The following FMNL1 variants were observed in gnomAD, a reference collection of about 807,000 sequenced individuals.
FMNL1 encodes the protein formin like 1.
In FMNL1, 43 loss-of-function variants were observed where a neutral mutation model predicts 121.3. The ratio of observed to expected loss-of-function variants is 0.35; its 90% CI spans 0.28 to 0.46. The LOEUF (loss-of-function observed/expected upper bound fraction) is 0.46, where lower values mean the gene tolerates loss of function less well. Ranked by LOEUF, FMNL1 falls within the 20% of genes least tolerant of loss-of-function variation. The pLI is 1.00. For synonymous variants in FMNL1, 613 were observed against 613.5 expected (o/e 1.00, Z 0.01); for missense variants, 1,191 against 1,482.4 (o/e 0.80, Z 3.23).
rs1208682160 is a variant in FMNL1 at position 45,233,111 on chromosome 17, G to T, written c.328-113G>T. The T allele has an allele frequency of 6.8e-6, 7 of 1,032,674 alleles. No homozygotes were observed. The Admixed American group carries it at 1.4e-4, about 21-fold the overall frequency. 64.0% of individuals were successfully genotyped at this position (1,032,674 alleles called of 1,614,324 possible). Reference sequence around the variant, plus strand: ...TGGTGGGGGAGGCTGAGCATGAAAGGCCACTTGTGCCAGTTGGAGGAGGGT... The same window carrying T: ...TGGTGGGGGAGGCTGAGCATGAAAGTCCACTTGTGCCAGTTGGAGGAGGGT... On this transcript the variant is annotated intron_variant, in intron 3 of 26. Coordinates refer to ENST00000331495, the MANE Select transcript of FMNL1 (RefSeq NM_005892.4). This position sits in a 1 kb window ranked among gnomAD's most constrained non-coding sequence, Gnocchi z 4.1.
intron 1 of FMNL1, among the ~76,000 whole-genome samples, chr17:45,223,330 C>G (rs951639010): frequency 3.3e-5 from 5 of 152,196 alleles, no homozygotes; most frequent in African/African-American, 1.2e-4. Context: ...CCTCCATCTC[C>G]TTGACATCAT....
Position 45,246,881 on chromosome 17 carries a change from C to T in FMNL1, c.*23C>T. 1 of 749,984 alleles carries T rather than the reference C, an allele frequency of 1.3e-6. No individual in the cohort carries two copies. The highest frequency in any genetic ancestry group is 1.8e-5 in the Admixed American group (1 of 56,506). 46.5% of individuals were successfully genotyped at this position (749,984 alleles called of 1,614,324 possible). On this transcript the variant is annotated 3_prime_UTR_variant, in exon 27 of 27. Coordinates refer to ENST00000331495, the MANE Select transcript of FMNL1 (RefSeq NM_005892.4). ...TCGGCTGCCAGATCTGCGGAACCAG[C>T]CCTACATCCGCGCAGACACAGGCCG...
In FMNL1 at chr17:45,241,570, T is replaced by A; in HGVS notation, c.1521T>A (p.Ala507=). ...TCTCCATCGAGATCCTCCCCGTCGC[T>A]GTGGCAACTCCGAGCGGCGGTGATG... is the stretch of plus-strand genomic sequence containing the variant. ...DAVSIEILPV[A]VATPSGGDAP... is the part of the protein sequence containing the mutation. Residue 507 remains alanine, a synonymous_variant, in exon 14 of 27, where the codon GCT becomes GCA. Coordinates refer to ENST00000331495, the MANE Select transcript of FMNL1 (RefSeq NM_005892.4). This position sits in a 1 kb window ranked among gnomAD's most constrained non-coding sequence, Gnocchi z 7.0. The A allele has an allele frequency of 6.4e-7, 1 of 1,568,154 alleles. No individual in the cohort carries two copies. Among genetic ancestry groups the A allele is most frequent in the Non-Finnish European group, 8.6e-7 (1 of 1,156,628 alleles).
chr17:45,226,466 G>A (rs1567955251), intron 1 of FMNL1, among the ~76,000 whole-genome samples: 1 of 152,144 alleles, frequency 6.6e-6, no homozygotes, highest in Admixed American at 6.5e-5. Context: ...TGGGGGCCAG[G>A]ACCCACATTT....
At chr17:45,227,208 G>C (rs909344230) in intron 1 of FMNL1, among the ~76,000 whole-genome samples, 2 of 152,192 alleles carry the variant, frequency 1.3e-5, no homozygotes, top group South Asian at 4.1e-4. Flanking sequence ...CATAGGGAGA[G>C]ATGGGCAGGT....
chr17:45,224,833 G>A (rs533037862), intron 1 of FMNL1, among the ~76,000 whole-genome samples: 17 of 152,352 alleles, frequency 1.1e-4, no homozygotes, highest in Non-Finnish European at 1.8e-4. Context: ...GCAGAGGAGC[G>A]ATGGCTGCCC....
rs1457463207 is a variant in FMNL1, at chr17:45,246,569, C to T, written c.3276C>T (p.Ala1092=). ...GKRTSRLLCE[A]SLGEEMPL ...GGACATCCCGGCTCCTCTGTGAGGCCAGCCTGGGAGAAGAGATGCCCCTCT... is the reference window on the plus strand; with the variant it reads ...GGACATCCCGGCTCCTCTGTGAGGCTAGCCTGGGAGAAGAGATGCCCCTCT... Residue 1092 remains alanine (A), a synonymous_variant, in exon 26 of 27, where the codon GCC becomes GCT. Transcript: ENST00000331495. The T allele has an allele frequency of 3.1e-6, 5 of 1,611,170 alleles. No individual in the cohort carries two copies. The Admixed American group carries it at 6.7e-5, about 22-fold the overall frequency.
Position 45,233,016 on chromosome 17 carries a change from C to T in FMNL1, c.328-208C>T. 1.5e-6 allele frequency: 1 copy of T among 669,562 alleles called. No homozygotes were observed. The highest frequency in any genetic ancestry group is 2.7e-6 in the Non-Finnish European group (1 of 364,220). The allele number at this position is 669,562 out of a possible 1,614,324, so 41.5% of individuals were successfully genotyped here. On this transcript the variant is annotated intron_variant, in intron 3 of 26. Coordinates refer to ENST00000331495, the MANE Select transcript of FMNL1 (RefSeq NM_005892.4). This position sits in a 1 kb window ranked among gnomAD's most constrained non-coding sequence, Gnocchi z 4.1. ...CCCATGTATCGGGGGTGTGTGTACC[C>T]TGCTTGTCTATGTATGGGGGAGCAC...
intron 7 of FMNL1, 92 bp downstream of exon 7, chr17:45,236,336 C>T (rs951747273): frequency 4.8e-6 from 5 of 1,050,320 alleles, no homozygotes; most frequent in South Asian, 4.2e-5. Context: ...GATCCACTGT[C>T]CCTTTACCCT....
In FMNL1 at chr17:45,231,886, T is replaced by C. The variant is rs1040650681; in HGVS notation, c.214-481T>C. The stretch of plus-strand genomic sequence containing the variant: ...CCACCTGCTGGCTAGACTGAGTTCC[T>C]TCCCACCCCAGGGCGGGGCCTACGG... On this transcript the variant is annotated intron_variant, in intron 2 of 26. Coordinates refer to ENST00000331495, the MANE Select transcript of FMNL1 (RefSeq NM_005892.4). The surrounding 1 kb of genome is among the most constrained non-coding windows in gnomAD (Gnocchi z 4.7). Among the ~76,000 whole-genome samples, 14 of 152,142 alleles carry C rather than the reference T, an allele frequency of 9.2e-5. No homozygotes were observed. Among genetic ancestry groups the C allele is most frequent in the African/African-American group, 3.4e-4 (14 of 41,422 alleles).
At position 45,244,910 on chromosome 17, in the gene FMNL1, G is replaced by T. The variant is rs373117057; in HGVS notation, c.2598+11G>T. 4.3e-6 allele frequency: 7 copies of T among 1,613,168 alleles called. No individual in the cohort carries two copies. The highest frequency in any genetic ancestry group is 1.3e-5 in the African/African-American group (1 of 74,936). On this transcript the variant is annotated intron_variant, in intron 20 of 26. Coordinates refer to ENST00000331495, the MANE Select transcript of FMNL1 (RefSeq NM_005892.4). ...CAGAGCCTGGATGCGGTGAGGAGGG[G>T]CCCCTGGCTTGGGGACTGGGGCTGG...
chr17:45,245,833 G>A (rs753791375), intron 23 of FMNL1, 45 bp from the exon 24 acceptor site: 2 of 1,601,032 alleles, frequency 1.2e-6, no homozygotes, highest in South Asian at 1.1e-5. Flanking sequence ...GGGTGGGTAG[G>A]GCAGTAGGGA....
chr17:45,241,256 A>T lies in FMNL1; in HGVS notation c.1332+26A>T, dbSNP rs748112782. On this transcript the variant is annotated intron_variant, in intron 13 of 26. Transcript: ENST00000331495. The surrounding 1 kb of genome is among the most constrained non-coding windows in gnomAD (Gnocchi z 7.0). ...GTGAGGCTGGGGCGGGTGGTAGGCC[A>T]GGCGCCCAAGAACAGGCCAGCTGAG... is the stretch of plus-strand genomic sequence containing the variant. 10 of 1,613,798 alleles carry T rather than the reference A, an allele frequency of 6.2e-6. No individual in the cohort carries two copies. Among genetic ancestry groups the T allele is most frequent in the Non-Finnish European group, 8.5e-6 (10 of 1,179,920 alleles).
In FMNL1 at chr17:45,245,851, C is replaced by T. The variant is rs1354826616; in HGVS notation, c.2995-27C>T. On this transcript the variant is annotated intron_variant, in intron 23 of 26. Transcript: ENST00000331495. ...TGGGTAGGGCAGTAGGGAGGGCCAC[C>T]CTCATGGAGACTGCCTTGGCCCACA... is the stretch of plus-strand genomic sequence containing the variant. 5 of 1,597,696 alleles carry T rather than the reference C, an allele frequency of 3.1e-6. No homozygotes were observed. The East Asian group carries it at 1.1e-4, about 36-fold the overall frequency.
chr17:45,246,030 AC>A, intron 24 of FMNL1, 57 bp downstream of exon 24: 1 of 1,515,638 alleles, frequency 6.6e-7, no homozygotes, highest in Non-Finnish European at 8.8e-7. Context: ...GCATCTCATC[AC>A]CCTCTGGTGC....
intron 1 of FMNL1, among the ~76,000 whole-genome samples, chr17:45,224,165 C>A (rs2043286985): frequency 6.6e-6 from 1 of 152,134 alleles, no homozygotes; most frequent in Admixed American, 6.5e-5. Flanking sequence ...CCCGGGGTGG[C>A]TCAGCCTGTC....
At chr17:45,242,494 G>C (rs757961324) in intron 16 of FMNL1, 29 bp downstream of exon 16, 2 of 1,603,714 alleles carry the variant, frequency 1.2e-6, no homozygotes, top group Non-Finnish European at 1.7e-6. Flanking sequence ...CTCCCCATGT[G>C]GGCACCGGAG....
At chr17:45,246,384 C>T (rs2043835337) in intron 25 of FMNL1, 54 bp downstream of exon 25, 2 of 1,614,024 alleles carry the variant, frequency 1.2e-6, no homozygotes, top group East Asian at 4.5e-5. Flanking sequence ...TCTATGCTTT[C>T]TTCTGACCCA....
intron 10 of FMNL1, 126 bp from the exon 11 acceptor site, chr17:45,238,829 C>T (rs1302711837): frequency 3.7e-6 from 4 of 1,088,096 alleles, no homozygotes; most frequent in Admixed American, 2.0e-5. Context: ...GTTGGGCAGG[C>T]CAAGGCTGGG....
Sources: gnomAD v4.1 joint callset for allele counts (sites outside exome capture counted in the v4.1 genomes callset) on GRCh38, gnomAD v4.1.1 for gene constraint, Gnocchi (gnomAD v3.1) non-coding constraint, MANE v1.5 for transcripts, NCBI Gene and HGNC (gene_info 2026-07-23, HGNC 2026-07-21) for gene names.